SOCS5: variants seen among roughly 807,000 people sequenced by gnomAD.
SOCS5 encodes suppressor of cytokine signaling 5, also known as CIS-6.
SOCS5 carries 32 observed loss-of-function variants against 42.8 expected under a neutral mutation model. The ratio of observed to expected loss-of-function variants is 0.75; its 90% CI spans 0.56 to 1.01. The LOEUF is 1.01. SOCS5 is among the 50% of genes least tolerant of loss of function. The pLI, the probability that SOCS5 is intolerant of heterozygous loss-of-function variation, is 0.00. For missense variants in SOCS5, 627 were observed against 653.0 expected (o/e 0.96, Z 0.43); for synonymous variants, 283 against 229.6 (o/e 1.23, Z -2.10).
chr2:46,709,018 C>T (rs1010730077), intron 1 of SOCS5, among the ~76,000 whole-genome samples: 72 of 151,346 alleles, frequency 4.8e-4, no homozygotes, highest in Middle Eastern at 3.4e-3. Flanking sequence ...TCCCAAGTAG[C>T]GGGGACTACA....
intron 1 of SOCS5, among the ~76,000 whole-genome samples, chr2:46,739,262 G>C (rs1163932055): frequency 6.6e-6 from 1 of 152,134 alleles, no homozygotes; most frequent in East Asian, 1.9e-4. Context: ...ATTGTCATAA[G>C]ATGTAATATC....
rs138730680 is a variant in SOCS5 at position 46,739,958 on chromosome 2, C to G, written c.-12-18561C>G. ...AATAATGCCCAGGAGGATCTCCTCTCTCAGAGAACTAAGGTATTAACGTAT... is the reference window on the plus strand; with the variant it reads ...AATAATGCCCAGGAGGATCTCCTCTGTCAGAGAACTAAGGTATTAACGTAT... On this transcript the variant is annotated intron_variant, in intron 1 of 1. Transcript: ENST00000394861. 3.3e-5 allele frequency among the ~76,000 whole-genome samples: 5 copies of G among 152,316 alleles called. No individual in the cohort carries two copies. The East Asian group carries it at 9.6e-4, about 29-fold the overall frequency.
intron 1 of SOCS5, among the ~76,000 whole-genome samples, chr2:46,706,629 C>T (rs1204007634): frequency 2.0e-5 from 3 of 152,070 alleles, no homozygotes; most frequent in Non-Finnish European, 4.4e-5. Context: ...CATTAATTAA[C>T]AAGGAAAATA....
Position 46,761,487 on chromosome 2 carries a change from A to G in SOCS5, c.*1346A>G, listed in dbSNP as rs1027006478. On this transcript the variant is annotated 3_prime_UTR_variant, in exon 2 of 2. Transcript: ENST00000394861. ...CATCCCTATGGCTATTGCCAAGGCTACAAAAAAGGAAAGCTATATTTGTAT... is the reference window on the plus strand; with the variant it reads ...CATCCCTATGGCTATTGCCAAGGCTGCAAAAAAGGAAAGCTATATTTGTAT... The G allele has an allele frequency of 1.2e-5, 2 of 167,098 alleles. No homozygotes were observed. Among genetic ancestry groups the G allele is most frequent in the African/African-American group, 4.8e-5 (2 of 41,458 alleles). The allele number at this position is 167,098 out of a possible 1,614,324, so 10.4% of individuals were successfully genotyped here.
intron 1 of SOCS5, among the ~76,000 whole-genome samples, chr2:46,721,758 G>T (rs1275641380): frequency 6.6e-6 from 1 of 152,006 alleles, no homozygotes; most frequent in South Asian, 2.1e-4. Flanking sequence ...GTGTTTTGTT[G>T]TACTGATTTG....
At chr2:46,705,994 G>C (rs186533077) in intron 1 of SOCS5, among the ~76,000 whole-genome samples, 80 of 152,342 alleles carry the variant, frequency 5.3e-4, no homozygotes, top group Admixed American at 1.8e-3. Context: ...GGATCCAGAA[G>C]TTATGTAGAT....
At chr2:46,717,524 C>T (rs746833777) in intron 1 of SOCS5, among the ~76,000 whole-genome samples, 13 of 151,990 alleles carry the variant, frequency 8.6e-5, no homozygotes, top group South Asian at 4.1e-4. Flanking sequence ...TTCGGGTTAA[C>T]GGTTTTTTTT....
chr2:46,742,463 A>T (rs1011318558), intron 1 of SOCS5, among the ~76,000 whole-genome samples: 3 of 151,530 alleles, frequency 2.0e-5, no homozygotes, highest in Non-Finnish European at 4.4e-5. Context: ...GTCATGTATC[A>T]TGTCGTTTCC....
chr2:46,716,169 A>G (rs1220885109), intron 1 of SOCS5, among the ~76,000 whole-genome samples: 1 of 137,452 alleles, frequency 7.3e-6, no homozygotes, highest in Non-Finnish European at 1.6e-5. Flanking sequence ...CCACTTCTCT[A>G]TGAGGTATTT....
intron 1 of SOCS5, among the ~76,000 whole-genome samples, chr2:46,737,927 A>G (rs909534077): frequency 3.9e-5 from 6 of 152,362 alleles, no homozygotes; most frequent in South Asian, 4.1e-4. Flanking sequence ...GAAGCAATAT[A>G]AGACCATTTT....
At chr2:46,728,988 A>T (rs1673054264) in intron 1 of SOCS5, among the ~76,000 whole-genome samples, 1 of 152,152 alleles carries the variant, frequency 6.6e-6, no homozygotes, top group Non-Finnish European at 1.5e-5. Flanking sequence ...TTCTGGCTCT[A>T]CCTCAGATCT....
intron 1 of SOCS5, among the ~76,000 whole-genome samples, chr2:46,738,867 G>A (rs75179367): frequency 0.019 from 2,869 of 152,280 alleles, 75 homozygotes; most frequent in African/African-American, 0.061. Context: ...AGTCAAATAA[G>A]AGAGCTAGTA....
chr2:46,708,196 A>G (rs1359143310), intron 1 of SOCS5, among the ~76,000 whole-genome samples: 1 of 152,186 alleles, frequency 6.6e-6, no homozygotes, highest in East Asian at 1.9e-4. Flanking sequence ...GAATTAAGGA[A>G]TTTGTAGTGG....
In SOCS5 at chr2:46,752,691, A is replaced by G. The variant is rs559892877; in HGVS notation, c.-12-5828A>G. On this transcript the variant is annotated intron_variant, in intron 1 of 1. Coordinates refer to ENST00000394861, the MANE Select transcript of SOCS5 (RefSeq NM_144949.3). ...TGCTATATAGTGCTCCACTGTATGA[A>G]TGTATACTAATGGACTAATTATCAT... 3.3e-5 allele frequency among the ~76,000 whole-genome samples: 5 copies of G among 152,310 alleles called. No individual in the cohort carries two copies. The South Asian group carries it at 6.2e-4, about 19-fold the overall frequency.
intron 1 of SOCS5, among the ~76,000 whole-genome samples, chr2:46,700,075 A>G (rs1165400990): frequency 1.3e-5 from 2 of 152,150 alleles, no homozygotes; most frequent in African/African-American, 4.8e-5. Flanking sequence ...TTGGGCTCCT[A>G]AGAGTCTTTG....
intron 1 of SOCS5, among the ~76,000 whole-genome samples, chr2:46,741,992 T>G (rs1022124932): frequency 2.0e-5 from 3 of 152,246 alleles, no homozygotes; most frequent in African/African-American, 7.2e-5. Context: ...CATGTGGATC[T>G]ATGTTCTCAC....
intron 1 of SOCS5, among the ~76,000 whole-genome samples, chr2:46,707,486 A>T (rs919271233): frequency 2.0e-5 from 3 of 152,236 alleles, no homozygotes; most frequent in Non-Finnish European, 4.4e-5. Context: ...TAGAAATGAA[A>T]GGACATAGAG....
chr2:46,699,303 G>A lies in SOCS5; in HGVS notation c.-159G>A, dbSNP rs1290093135. The A allele has an allele frequency of 6.6e-6, 1 of 151,018 alleles. No individual in the cohort carries two copies. The highest frequency in any genetic ancestry group is 1.5e-5 in the Non-Finnish European group (1 of 67,266). The allele number at this position is 151,018 out of a possible 1,614,324, so 9.4% of individuals were successfully genotyped here. ...TGGGGTCCCCGGGCTCCGTCCGGAGGAAGCGACGCTGCGCTCGCTGGGCAG... is the reference window on the plus strand; with the variant it reads ...TGGGGTCCCCGGGCTCCGTCCGGAGAAAGCGACGCTGCGCTCGCTGGGCAG... On this transcript the variant is annotated 5_prime_UTR_variant, in exon 1 of 2. Coordinates refer to ENST00000394861, the MANE Select transcript of SOCS5 (RefSeq NM_144949.3). This position sits in a 1 kb window ranked among gnomAD's most constrained non-coding sequence, Gnocchi z 4.8.
intron 1 of SOCS5, among the ~76,000 whole-genome samples, chr2:46,705,788 G>A (rs1672448989): frequency 6.6e-6 from 1 of 152,180 alleles, no homozygotes; most frequent in African/African-American, 2.4e-5. Context: ...TGATTTAAAA[G>A]ACGGACTGGC....
Sources: allele counts gnomAD v4.1 joint callset (sites outside exome capture counted in the v4.1 genomes callset), GRCh38; gene constraint gnomAD v4.1.1; non-coding constraint Gnocchi (gnomAD v3.1); transcripts MANE v1.5; gene names NCBI Gene and HGNC (gene_info 2026-07-23, HGNC 2026-07-21).